LINGO2: variants seen among roughly 807,000 people sequenced by gnomAD.
The protein encoded by LINGO2 is leucine rich repeat and Ig domain containing 2, also known as leucine-rich repeat and immunoglobulin-like domain-containing nogo receptor-interacting protein 2.
LINGO2 carries 14 observed loss-of-function variants against 30.6 expected under a neutral mutation model. The observed-to-expected ratio is 0.46, with a 90% confidence interval of 0.30 to 0.72. The LOEUF (loss-of-function observed/expected upper bound fraction) is 0.72. LINGO2 is among the 30% of genes least tolerant of loss of function. LINGO2 has a pLI of 0.07. For synonymous variants in LINGO2, 317 were observed against 288.5 expected (o/e 1.10, Z -1.00); for missense variants, 729 against 751.7 (o/e 0.97, Z 0.35).
At chr9:27,955,913 T>TCCC (rs1464768242) in intron 5 of LINGO2, among the ~76,000 whole-genome samples, 1 of 148,396 alleles carries the variant, frequency 6.7e-6, no homozygotes, top group Non-Finnish European at 1.5e-5. Flanking sequence ...GTGTTCCATA[T>TCCC]CCCCTTCGAC....
the LINGO2 span, among the ~76,000 whole-genome samples, chr9:28,726,878 C>A: frequency 1.3e-5 from 2 of 152,146 alleles, no homozygotes; most frequent in Non-Finnish European, 2.9e-5. Context: ...GATGTATACC[C>A]TTTTCTCCAA....
chr9:27,998,746 T>C (rs1821793619), intron 5 of LINGO2, among the ~76,000 whole-genome samples: 1 of 152,080 alleles, frequency 6.6e-6, no homozygotes, highest in Non-Finnish European at 1.5e-5. Flanking sequence ...ATGCCATTAC[T>C]GGGTCATGCA....
At chr9:28,043,908 T>C (rs10968301) in intron 4 of LINGO2, among the ~76,000 whole-genome samples, 6,013 of 152,292 alleles carry the variant, frequency 0.039, 174 homozygotes, top group East Asian at 0.077. Context: ...ATTTTTACAT[T>C]GTGTTTGAAT....
In LINGO2 at chr9:28,130,793, G is replaced by C. The variant is rs757173859; in HGVS notation, c.-86-118388C>G. 1.8e-4 allele frequency among the ~76,000 whole-genome samples: 27 copies of C among 152,116 alleles called. No individual in the cohort carries two copies. The highest frequency in any genetic ancestry group is 3.9e-4 in the Admixed American group (6 of 15,268). On this transcript the variant is annotated intron_variant, in intron 4 of 5. Transcript: ENST00000379992. The surrounding 1 kb of genome is among the most constrained non-coding windows in gnomAD (Gnocchi z 5.2). Reference sequence around the variant, plus strand: ...GGCCAAATGTGCAGAAATGGAAAAAGATTAGATTCTGAGAAGTAGTACAGT... The same window carrying C: ...GGCCAAATGTGCAGAAATGGAAAAACATTAGATTCTGAGAAGTAGTACAGT...
intron 4 of LINGO2, among the ~76,000 whole-genome samples, chr9:28,144,171 G>C (rs2133511365): frequency 6.6e-6 from 1 of 152,210 alleles, no homozygotes; most frequent in South Asian, 2.1e-4. Flanking sequence ...TTTAATAATT[G>C]CATAAAGGTT....
chr9:28,274,687 A>G (rs1823054882), intron 4 of LINGO2, among the ~76,000 whole-genome samples: 1 of 152,248 alleles, frequency 6.6e-6, no homozygotes, highest in African/African-American at 2.4e-5. Flanking sequence ...AGTTCCACAT[A>G]GACAAGTCAG....
At chr9:29,139,432 T>C in the LINGO2 span, among the ~76,000 whole-genome samples, 1 of 152,094 alleles carries the variant, frequency 6.6e-6, no homozygotes, top group African/African-American at 2.4e-5. Context: ...TATTAATATA[T>C]TTTTTCTGGT....
chr9:28,769,518 ATTTTTTTTTTTTTTTTTTT>A, the LINGO2 span, among the ~76,000 whole-genome samples: 5 of 4,082 alleles, frequency 1.2e-3, no homozygotes, highest in African/African-American at 2.6e-3. Context: ...ATATATATAT[ATTTTTTTTTTTTTTTTTTT>A]TTTTTTTTAC....
At chr9:28,834,857 G>A in the LINGO2 span, among the ~76,000 whole-genome samples, 176 of 152,144 alleles carry the variant, frequency 1.2e-3, no homozygotes, top group African/African-American at 4.2e-3. Context: ...GACTTCAGTT[G>A]TCTCATATTG....
chr9:28,702,997 A>G, the LINGO2 span, among the ~76,000 whole-genome samples: 113 of 151,814 alleles, frequency 7.4e-4, no homozygotes, highest in Non-Finnish European at 1.4e-3. Flanking sequence ...CATTCCTGAC[A>G]TAAGTAATTT....
At chr9:28,677,440 A>AGAT in the LINGO2 span, among the ~76,000 whole-genome samples, 1 of 152,192 alleles carries the variant, frequency 6.6e-6, no homozygotes, top group Non-Finnish European at 1.5e-5. Flanking sequence ...TTGGTAGAGC[A>AGAT]TCTAAGACAA....
the LINGO2 span, among the ~76,000 whole-genome samples, chr9:28,993,285 C>T: frequency 1.9e-3 from 288 of 152,102 alleles, 1 homozygote; most frequent in Middle Eastern, 3.4e-3. Flanking sequence ...ATAAATTCCT[C>T]GACACATACA....
chr9:28,424,667 C>T (rs1426135639), intron 2 of LINGO2, among the ~76,000 whole-genome samples: 1 of 152,124 alleles, frequency 6.6e-6, no homozygotes, highest in African/African-American at 2.4e-5. Flanking sequence ...CAATGTAATA[C>T]CAAATTAATT....
intron 2 of LINGO2, among the ~76,000 whole-genome samples, chr9:28,382,121 G>A (rs1257666305): frequency 6.6e-6 from 1 of 152,018 alleles, no homozygotes; most frequent in Non-Finnish European, 1.5e-5. Context: ...AATAATACTT[G>A]CCTCAAGGTT....
chr9:28,899,139 T>G, the LINGO2 span, among the ~76,000 whole-genome samples: 6 of 152,282 alleles, frequency 3.9e-5, no homozygotes, highest in African/African-American at 1.4e-4. Flanking sequence ...TTTTAAAAGA[T>G]GCATTGAGGA....
chr9:29,081,570 A>G, the LINGO2 span, among the ~76,000 whole-genome samples: 5 of 152,146 alleles, frequency 3.3e-5, no homozygotes, highest in Non-Finnish European at 7.3e-5. Flanking sequence ...TAGTGTTGGA[A>G]GTTCTGGCTA....
At chr9:28,647,893 CTTTTT>C (rs5897315) in intron 1 of LINGO2, among the ~76,000 whole-genome samples, 13 of 130,246 alleles carry the variant, frequency 1.0e-4, no homozygotes, top group Non-Finnish European at 1.8e-4. Flanking sequence ...TTCTTTCTTT[CTTTTT>C]TTTTTTTTTT....
chr9:29,108,676 T>C, the LINGO2 span, among the ~76,000 whole-genome samples: 6 of 152,220 alleles, frequency 3.9e-5, no homozygotes, highest in Non-Finnish European at 7.3e-5. Flanking sequence ...TTTAGAGGTA[T>C]GCATAGATGC....
At chr9:28,205,403 C>T (rs1440142334) in intron 4 of LINGO2, among the ~76,000 whole-genome samples, 1 of 152,112 alleles carries the variant, frequency 6.6e-6, no homozygotes, top group Non-Finnish European at 1.5e-5. Context: ...AGATGCCTTC[C>T]CCGATCTATC....
Sources: gnomAD v4.1 joint callset for allele counts (sites outside exome capture counted in the v4.1 genomes callset) on GRCh38, gnomAD v4.1.1 for gene constraint, Gnocchi (gnomAD v3.1) non-coding constraint, MANE v1.5 for transcripts, NCBI Gene and HGNC (gene_info 2026-07-23, HGNC 2026-07-21) for gene names.